The following ABCB5 variants were observed in gnomAD, a reference collection of about 807,000 sequenced individuals.
ABCB5 encodes the protein ATP-binding cassette sub-family B member 5.
ABCB5 carries 155 observed loss-of-function variants against 144.2 expected under a neutral mutation model. That is an observed-to-expected ratio of 1.08 (90% CI 0.94 to 1.23). The LOEUF (loss-of-function observed/expected upper bound fraction) is 1.23, where lower values mean the gene tolerates loss of function less well. Ranked by LOEUF, ABCB5 falls within the 50% of genes most tolerant of loss-of-function variation. The pLI, the probability that ABCB5 is intolerant of heterozygous loss-of-function variation, is 0.00. For synonymous variants in ABCB5, 610 were observed against 528.6 expected, an observed-to-expected ratio of 1.15 and a Z score of -2.11; for missense variants, 1,830 against 1,520.8, an observed-to-expected ratio of 1.20 and a Z score of -3.38.
intron 23 of ABCB5, among the ~76,000 whole-genome samples, chr7:20,736,278 C>T (rs1389885866): frequency 2.0e-5 from 3 of 152,038 alleles, no homozygotes; most frequent in African/African-American, 4.8e-5. Context: ...AGTGCAGTGA[C>T]GTGATCTCAG....
chr7:20,642,676 T>C (rs1008315914), intron 5 of ABCB5, among the ~76,000 whole-genome samples: 1 of 152,216 alleles, frequency 6.6e-6, no homozygotes, highest in Non-Finnish European at 1.5e-5. Context: ...TCTCCTCCTG[T>C]ATAATATTTG....
intron 1 of ABCB5, among the ~76,000 whole-genome samples, chr7:20,619,985 G>A (rs1783775213): frequency 6.6e-6 from 1 of 152,072 alleles, no homozygotes; most frequent in Non-Finnish European, 1.5e-5. Flanking sequence ...GGCTATGGGT[G>A]CCCTGCTTTA....
In ABCB5 at chr7:20,743,005, C is replaced by T; in HGVS notation, c.3153C>T (p.Ser1051=). Reference sequence around the variant, plus strand: ...GAAAGACAGTAGCATTTGTGGGGAGCAGCGGCTGTGGGAAAAGCACTTCTG... The same window carrying T: ...GAAAGACAGTAGCATTTGTGGGGAGTAGCGGCTGTGGGAAAAGCACTTCTG... ...ERGKTVAFVG[S]SGCGKSTSVQ... The change falls in exon 25 of 28, where the codon AGC becomes AGT. Residue 1051 remains serine (S), a synonymous_variant. Coordinates refer to ENST00000404938, the MANE Select transcript of ABCB5 (RefSeq NM_001163941.2). The T allele has an allele frequency of 6.2e-7, 1 of 1,614,182 alleles. No homozygotes were observed. The highest frequency in any genetic ancestry group is 8.5e-7 in the Non-Finnish European group (1 of 1,180,036).
In ABCB5 at chr7:20,713,534, C is replaced by A. The variant is rs1004992666; in HGVS notation, c.2421+8727C>A. Among the ~76,000 whole-genome samples, 4 of 149,864 alleles carry A rather than the reference C, an allele frequency of 2.7e-5. 1 individual carries two copies. The highest frequency in any genetic ancestry group is 5.9e-5 in the Non-Finnish European group (4 of 67,390). The stretch of plus-strand genomic sequence containing the variant: ...TACAGGTGTGAGCCACCATGCCTAA[C>A]CCCCTGCCAATTTCTGACTGGATGC... On this transcript the variant is annotated intron_variant, in intron 20 of 27. Coordinates refer to ENST00000404938, the MANE Select transcript of ABCB5 (RefSeq NM_001163941.2).
At chr7:20,698,814 C>CA (rs1342857460) in intron 17 of ABCB5, among the ~76,000 whole-genome samples, 1 of 152,198 alleles carries the variant, frequency 6.6e-6, no homozygotes, top group East Asian at 1.9e-4. Flanking sequence ...AGTGCTGGAT[C>CA]AGCATTCCAA....
At chr7:20,667,519 C>T in intron 14 of ABCB5, 2 of 979,114 alleles carry the variant, frequency 2.0e-6, no homozygotes, top group Non-Finnish European at 2.4e-6. Context: ...CGTGTTAATG[C>T]TCTCTTTTAT....
intron 5 of ABCB5, among the ~76,000 whole-genome samples, chr7:20,637,759 T>C (rs1784197939): frequency 6.6e-6 from 1 of 152,098 alleles, no homozygotes; most frequent in African/African-American, 2.4e-5. Flanking sequence ...AGCAACTTAA[T>C]CCTTTTCTTT....
In ABCB5 at chr7:20,709,711, T is replaced by C. The variant is rs754584265; in HGVS notation, c.2421+4904T>C. On this transcript the variant is annotated intron_variant, in intron 20 of 27. Transcript: ENST00000404938. ...AGGGTAAAGTGATGAGAGTGGCACA[T>C]ATGGTTTCTCTAGCAGCTACCATCA... Among the ~76,000 whole-genome samples the C allele has an allele frequency of 8.0e-5, 12 of 150,018 alleles. 1 individual carries two copies. The highest frequency in any genetic ancestry group is 1.5e-4 in the Non-Finnish European group (10 of 67,424).
chr7:20,751,422 G>A (rs1782926682), intron 26 of ABCB5, among the ~76,000 whole-genome samples: 1 of 152,228 alleles, frequency 6.6e-6, no homozygotes, highest in East Asian at 1.9e-4. Flanking sequence ...AGTGAGCCGA[G>A]ATCGCGTCAC....
intron 15 of ABCB5, among the ~76,000 whole-genome samples, chr7:20,683,829 G>T (rs981945728): frequency 3.9e-5 from 6 of 152,172 alleles, no homozygotes; most frequent in Admixed American, 1.3e-4. Context: ...ATTGACTGCG[G>T]TATCAAAATG....
intron 3 of ABCB5, 50 bp from the exon 4 acceptor site, chr7:20,628,638 G>A: frequency 6.4e-7 from 1 of 1,572,294 alleles, no homozygotes; most frequent in Non-Finnish European, 8.7e-7. Context: ...TGTGCTTGGT[G>A]TGTTTGTTTG....
chr7:20,752,484 A>T (rs2528800), intron 26 of ABCB5, among the ~76,000 whole-genome samples: 60,203 of 152,064 alleles, frequency 0.4, 12,702 homozygotes, highest in African/African-American at 0.54. Context: ...AGGGGAACTA[A>T]GAAAACACTG....
chr7:20,668,496 G>T (rs1437291406), intron 14 of ABCB5, among the ~76,000 whole-genome samples: 1 of 151,588 alleles, frequency 6.6e-6, no homozygotes, highest in Non-Finnish European at 1.5e-5. Flanking sequence ...CAACCGCCCC[G>T]TCTGAGAAGT....
At chr7:20,666,925 G>T (rs934555715) in intron 14 of ABCB5, 1 of 1,241,960 alleles carries the variant, frequency 8.1e-7, no homozygotes, top group South Asian at 2.5e-5. Context: ...AGCAGGCTTT[G>T]GCTGCCAAAA....
In ABCB5 at chr7:20,658,487, C is replaced by T. The variant is rs1389200821; in HGVS notation, c.1537-19C>T. 6.2e-7 allele frequency: 1 copy of T among 1,610,326 alleles called. No homozygotes were observed. Among genetic ancestry groups the T allele is most frequent in the Non-Finnish European group, 8.5e-7 (1 of 1,177,946 alleles). ...CACGCTGCCTTCTGTTTCTGTGCTT[C>T]TTTCCTATTTTTCATTAGAAATTTA... On this transcript the variant is annotated intron_variant, in intron 13 of 27. Coordinates refer to ENST00000404938, the MANE Select transcript of ABCB5 (RefSeq NM_001163941.2).
intron 20 of ABCB5, among the ~76,000 whole-genome samples, chr7:20,710,577 T>C (rs1186682990): frequency 6.7e-6 from 1 of 149,758 alleles, no homozygotes; most frequent in Non-Finnish European, 1.5e-5. Flanking sequence ...GCCTGTAATC[T>C]ATAGTTTGTC....
At chr7:20,685,627 A>G in intron 15 of ABCB5, 69 bp from the exon 16 acceptor site, 1 of 1,379,992 alleles carries the variant, frequency 7.2e-7, no homozygotes, top group Middle Eastern at 1.9e-4. Context: ...CTTTAAAGAG[A>G]TGCTTAATAA....
intron 20 of ABCB5, among the ~76,000 whole-genome samples, chr7:20,714,784 T>C (rs1781617917): frequency 6.6e-6 from 1 of 152,148 alleles, no homozygotes; most frequent in Admixed American, 6.5e-5. Flanking sequence ...TCGTAGAAAG[T>C]TCTTGTGTCC....
At chr7:20,736,217 T>C (rs957059645) in intron 23 of ABCB5, among the ~76,000 whole-genome samples, 3 of 152,014 alleles carry the variant, frequency 2.0e-5, no homozygotes, top group African/African-American at 7.3e-5. Flanking sequence ...TTTTTTGTTG[T>C]TGTTGTTGCT....
Sources: allele counts gnomAD v4.1 joint callset (sites outside exome capture counted in the v4.1 genomes callset), GRCh38; gene constraint gnomAD v4.1.1; transcripts MANE v1.5; gene names NCBI Gene and HGNC (gene_info 2026-07-23, HGNC 2026-07-21).